The following ZNF423 variants were observed in gnomAD, a reference collection of about 807,000 sequenced individuals.
ZNF423 encodes zinc finger protein 423.
ZNF423 carries 12 observed loss-of-function variants against 95.8 expected under a neutral mutation model. The ratio of observed to expected loss-of-function variants is 0.13; its 90% CI spans 0.08 to 0.20. The LOEUF (loss-of-function observed/expected upper bound fraction) is 0.20. ZNF423 is among the 10% of genes least tolerant of loss of function. ZNF423 has a pLI of 1.00. For missense variants in ZNF423, 1,316 were observed against 1,737.1 expected, an observed-to-expected ratio of 0.76 and a Z score of 4.31; for synonymous variants, 749 against 711.9, an observed-to-expected ratio of 1.05 and a Z score of -0.83.
At chr16:49,627,098 C>T (rs1245558900) in intron 4 of ZNF423, among the ~76,000 whole-genome samples, 1 of 136,822 alleles carries the variant, frequency 7.3e-6, no homozygotes, top group Admixed American at 7.1e-5. Context: ...CTACATAATA[C>T]CCACCCATCC....
chr16:49,734,027 A>G (rs1279142577), intron 2 of ZNF423, among the ~76,000 whole-genome samples: 2 of 152,242 alleles, frequency 1.3e-5, no homozygotes, highest in Admixed American at 1.3e-4. Context: ...GTGTTCATTA[A>G]GCAGCACACC....
chr16:49,709,125 A>C (rs1389317193), intron 3 of ZNF423, among the ~76,000 whole-genome samples: 1 of 149,192 alleles, frequency 6.7e-6, no homozygotes, highest in Non-Finnish European at 1.5e-5. Context: ...AGCTCGGCCC[A>C]GAAAAGACAA....
In ZNF423 at chr16:49,636,206, G is replaced by A; in HGVS notation, c.2970C>T (p.Ser990=). 6.2e-7 allele frequency: 1 copy of A among 1,613,368 alleles called. No homozygotes were observed. The highest frequency in any genetic ancestry group is 8.5e-7 in the Non-Finnish European group (1 of 1,180,010). The part of the protein sequence containing the change: ...LTLTEHKVTH[S]KSLDTGTCRI... ...GACAGGTGCCCGTGTCCAGGCTCTT[G>A]CTGTGGGTCACCTTGTGTTCGGTGA... Residue 990 remains serine, a synonymous_variant, in exon 4 of 8, where the codon AGC becomes AGT. Transcript: ENST00000563137. The surrounding 1 kb of genome is among the most constrained non-coding windows in gnomAD (Gnocchi z 8.6).
At position 49,814,427 on chromosome 16, in the gene ZNF423, G is replaced by A. The variant is rs556260426; in HGVS notation, c.41-24881C>T. ...CTGCACCTGCCCTTTCCAACAATGG[G>A]ACAGGATCGGAGGGCAAGCGGGACA... On this transcript the variant is annotated intron_variant, in intron 1 of 7. Transcript: ENST00000563137. Among the ~76,000 whole-genome samples, 5 of 151,746 alleles carry A rather than the reference G, an allele frequency of 3.3e-5. No homozygotes were observed. The East Asian group carries it at 9.8e-4, about 30-fold the overall frequency.
chr16:49,661,447 A>G (rs923333253), intron 3 of ZNF423, among the ~76,000 whole-genome samples: 1 of 152,240 alleles, frequency 6.6e-6, no homozygotes, highest in Admixed American at 6.5e-5. Flanking sequence ...GGACCTGTGA[A>G]CAAATGCACC....
intron 1 of ZNF423, among the ~76,000 whole-genome samples, chr16:49,842,217 G>C (rs968853768): frequency 2.2e-5 from 3 of 135,896 alleles, no homozygotes; most frequent in Non-Finnish European, 4.7e-5. Context: ...CAGCCTGTGC[G>C]ACAGAGGAAG....
At chr16:49,837,119 G>A (rs534572712) in intron 1 of ZNF423, among the ~76,000 whole-genome samples, 16 of 152,292 alleles carry the variant, frequency 1.1e-4, no homozygotes, top group African/African-American at 3.6e-4. Flanking sequence ...GCTGAGGGAC[G>A]TGGGTGACAG....
chr16:49,700,026 G>T (rs1290397211), intron 3 of ZNF423, among the ~76,000 whole-genome samples: 1 of 152,074 alleles, frequency 6.6e-6, no homozygotes, highest in South Asian at 2.1e-4. Context: ...CTAGAAGCAG[G>T]GTTTCAAGGC....
At chr16:49,833,205 C>G (rs571122604) in intron 1 of ZNF423, among the ~76,000 whole-genome samples, 4 of 152,208 alleles carry the variant, frequency 2.6e-5, no homozygotes, top group Non-Finnish European at 4.4e-5. Context: ...ACACCCAGAG[C>G]CCAGGACTCC....
At chr16:49,722,712 G>A (rs957766789) in intron 3 of ZNF423, among the ~76,000 whole-genome samples, 4 of 152,132 alleles carry the variant, frequency 2.6e-5, no homozygotes, top group Non-Finnish European at 5.9e-5. Flanking sequence ...CAGGAGGGCT[G>A]TAGCCTCCTT....
At chr16:49,600,447 G>T (rs1297753512) in intron 5 of ZNF423, among the ~76,000 whole-genome samples, 1 of 152,146 alleles carries the variant, frequency 6.6e-6, no homozygotes, top group Non-Finnish European at 1.5e-5. Flanking sequence ...GTGCAGCCCT[G>T]CAGGAAGACA....
intron 4 of ZNF423, among the ~76,000 whole-genome samples, chr16:49,632,557 G>T (rs554229952): frequency 1.8e-3 from 274 of 152,250 alleles, no homozygotes; most frequent in African/African-American, 6.4e-3. Flanking sequence ...AGGCCCAAAG[G>T]CAGGGAGAGG....
At chr16:49,691,926 C>A (rs1161678548) in intron 3 of ZNF423, among the ~76,000 whole-genome samples, 2 of 151,934 alleles carry the variant, frequency 1.3e-5, no homozygotes, top group African/African-American at 2.4e-5. Context: ...TGCCCCATTT[C>A]TTTTCTTATT....
intron 3 of ZNF423, among the ~76,000 whole-genome samples, chr16:49,677,277 A>AGAAGGGAAGGGAAGG (rs2031115992): frequency 1.3e-5 from 1 of 77,544 alleles, no homozygotes; most frequent in Non-Finnish European, 2.6e-5. Context: ...AGAAGAGAAG[A>AGAAGGGAAGGGAAGG]GAAGAGAAGA....
intron 5 of ZNF423, among the ~76,000 whole-genome samples, chr16:49,592,860 C>A (rs1052973507): frequency 6.6e-6 from 1 of 152,198 alleles, no homozygotes; most frequent in African/African-American, 2.4e-5. Flanking sequence ...CTTCACTCTG[C>A]GATGCCCAGA....
At chr16:49,537,228 C>T (rs954202225) in intron 5 of ZNF423, among the ~76,000 whole-genome samples, 6 of 152,190 alleles carry the variant, frequency 3.9e-5, no homozygotes, top group Non-Finnish European at 8.8e-5. Context: ...AACTTTGAAC[C>T]AACAAGTCAT....
At chr16:49,634,575 C>T (rs1217986289) in intron 4 of ZNF423, among the ~76,000 whole-genome samples, 3 of 152,182 alleles carry the variant, frequency 2.0e-5, no homozygotes, top group East Asian at 1.9e-4. Context: ...AAAACACCCT[C>T]AGCAAACACC....
intron 7 of ZNF423, chr16:49,517,677 C>CT (rs113365526): frequency 0.16 from 34,785 of 215,876 alleles, 2,443 homozygotes; most frequent in Non-Finnish European, 0.19. Context: ...TGAGAGAAAA[C>CT]TTTTTTTTTT....
intron 5 of ZNF423, among the ~76,000 whole-genome samples, chr16:49,540,593 C>T (rs1969216729): frequency 6.6e-6 from 1 of 152,216 alleles, no homozygotes. Flanking sequence ...CAATGTTAAA[C>T]TCAGATTTTG....
Sources: allele counts gnomAD v4.1 joint callset (sites outside exome capture counted in the v4.1 genomes callset), GRCh38; gene constraint gnomAD v4.1.1; non-coding constraint Gnocchi (gnomAD v3.1); transcripts MANE v1.5; gene names NCBI Gene and HGNC (gene_info 2026-07-23, HGNC 2026-07-21).